SSBP1: variants seen among roughly 807,000 people sequenced by gnomAD.
SSBP1 encodes the protein single-stranded DNA-binding protein, mitochondrial.
Under a neutral mutation model 27.0 loss-of-function variants are expected in SSBP1, and 20 were observed. The ratio of observed to expected loss-of-function variants is 0.74; its 90% CI spans 0.52 to 1.08. The LOEUF is 1.08. Among genes scored for constraint, SSBP1 ranks in the 50% least tolerant of loss-of-function variants. The pLI is 0.00. For synonymous variants in SSBP1, 59 were observed against 59.3 expected, an observed-to-expected ratio of 1.00 and a Z score of 0.02; for missense variants, 137 against 182.4, an observed-to-expected ratio of 0.75 and a Z score of 1.44.
intron 5 of SSBP1, among the ~76,000 whole-genome samples, chr7:141,744,805 G>A (rs1799712076): frequency 6.6e-6 from 1 of 152,076 alleles, no homozygotes; most frequent in South Asian, 2.1e-4. Context: ...TGATTGATGG[G>A]TGTGTGTGTG....
rs562961105 is a variant in SSBP1, at chr7:141,745,941, A to G, written c.403+357A>G. 158 of 1,016,194 alleles carry G rather than the reference A, an allele frequency of 1.6e-4. 1 individual carries two copies. The South Asian group carries it at 6.6e-3, about 42-fold the overall frequency. The allele number at this position is 1,016,194 out of a possible 1,614,324, so 62.9% of individuals were successfully genotyped here. On this transcript the variant is annotated intron_variant, in intron 6 of 6. Transcript: ENST00000265304. The stretch of plus-strand genomic sequence containing the variant: ...AGAAGCGTATGCCAAGATAAGAATT[A>G]CACTAATGTGAGTGTGCAGATTTAT...
intron 3 of SSBP1, among the ~76,000 whole-genome samples, chr7:141,742,454 T>C (rs1031820056): frequency 6.6e-6 from 1 of 152,238 alleles, no homozygotes; most frequent in Non-Finnish European, 1.5e-5. Context: ...TTGTCAACAC[T>C]GTCCTGCATA....
chr7:141,744,002 G>A lies in SSBP1; in HGVS notation c.314+13G>A. On this transcript the variant is annotated intron_variant, in intron 5 of 6. Coordinates refer to ENST00000265304, the MANE Select transcript of SSBP1 (RefSeq NM_003143.3). ...ATGTGAAAAAGGGGTAAGTTGAAGA[G>A]GGAAGGATCTTATGAATTGAATGAT... 3 of 1,605,022 alleles carry A rather than the reference G, an allele frequency of 1.9e-6. No homozygotes were observed. Among genetic ancestry groups the A allele is most frequent in the Non-Finnish European group, 2.6e-6 (3 of 1,176,462 alleles).
chr7:141,742,994 A>G (rs1018548286), intron 3 of SSBP1, among the ~76,000 whole-genome samples: 1 of 152,202 alleles, frequency 6.6e-6, no homozygotes, highest in Non-Finnish European at 1.5e-5. Context: ...AGCTGGGACT[A>G]CAGGCGCCCG....
chr7:141,748,152 ACCTG>A (rs1313620256), intron 6 of SSBP1, among the ~76,000 whole-genome samples: 1 of 152,030 alleles, frequency 6.6e-6, no homozygotes, highest in African/African-American at 2.4e-5. Flanking sequence ...CTTGACCTAC[ACCTG>A]GATTATTTTG....
intron 2 of SSBP1, 87 bp downstream of exon 2, chr7:141,739,277 C>CA: frequency 1.7e-6 from 2 of 1,143,180 alleles, no homozygotes; most frequent in Non-Finnish European, 2.4e-6. Context: ...ACTACAGGGG[C>CA]AAAAGACCTT....
intron 2 of SSBP1, chr7:141,741,928 T>A: frequency 1.7e-6 from 1 of 600,052 alleles, no homozygotes; most frequent in Non-Finnish European, 2.5e-6. Flanking sequence ...TACTATAACT[T>A]AACTTTGAGC....
intron 6 of SSBP1, among the ~76,000 whole-genome samples, chr7:141,749,815 AAAAAT>A (rs1799901720): frequency 6.6e-6 from 1 of 152,234 alleles, no homozygotes; most frequent in East Asian, 1.9e-4. Flanking sequence ...ATTGTAATTT[AAAAAT>A]AAAATTTCTT....
At chr7:141,742,661 A>G (rs1161191239) in intron 3 of SSBP1, among the ~76,000 whole-genome samples, 1 of 152,170 alleles carries the variant, frequency 6.6e-6, no homozygotes, top group Non-Finnish European at 1.5e-5. Flanking sequence ...TAGAGCTTAC[A>G]GTTTGTTTTG....
Position 141,742,243 on chromosome 7 carries a change from T to A in SSBP1, c.85+14T>A, listed in dbSNP as rs1799566012. On this transcript the variant is annotated intron_variant, in intron 3 of 6. Coordinates refer to ENST00000265304, the MANE Select transcript of SSBP1 (RefSeq NM_003143.3). ...TTCTTGAAAGATGTAAGTAGCTAAT[T>A]TCCAAGTTTAAAATGTTATTTTTAG... The A allele has an allele frequency of 1.9e-6, 3 of 1,588,814 alleles. No homozygotes were observed. The highest frequency in any genetic ancestry group is 2.6e-6 in the Non-Finnish European group (3 of 1,158,660).
At chr7:141,742,943 C>G (rs1799603273) in intron 3 of SSBP1, among the ~76,000 whole-genome samples, 1 of 152,194 alleles carries the variant, frequency 6.6e-6, no homozygotes, top group Non-Finnish European at 1.5e-5. Context: ...CAAACTCTGC[C>G]TCCCGGGTTC....
intron 2 of SSBP1, 95 bp downstream of exon 2, chr7:141,739,285 CT>C (rs1799418910): frequency 2.0e-6 from 2 of 1,016,486 alleles, no homozygotes. Context: ...GGCAAAAGAC[CT>C]TTGAGCTCAC....
chr7:141,750,271 G>A (rs761368934), intron 6 of SSBP1, 40 bp from the exon 7 acceptor site: 1 of 1,420,798 alleles, frequency 7.0e-7, no homozygotes, highest in Non-Finnish European at 9.8e-7. Flanking sequence ...GATGGAGAAA[G>A]AGTTCTGAAA....
Position 141,750,346 on chromosome 7 carries a change from A to G in SSBP1, c.439A>G (p.Lys147Glu), listed in dbSNP as rs113306672. The G allele has an allele frequency of 1.3e-6, 2 of 1,599,010 alleles. No individual in the cohort carries two copies. The highest frequency in any genetic ancestry group is 1.4e-5 in the African/African-American group (1 of 73,714). Residue 147 changes from lysine to glutamate, a missense_variant, in exon 7 of 7, where the codon AAG (lysine) becomes GAG (glutamate). Physicochemically the swap from Lys to Glu is moderately conservative, Grantham distance 56. Transcript: ENST00000265304. The part of the protein sequence containing the change: ...IIFLSDQTKE[K>E]E ...ATTTCTGAGTGACCAGACGAAAGAGAAGGAGTAGAAAGGATGATTCTTCTT... is the reference window on the plus strand; with the variant it reads ...ATTTCTGAGTGACCAGACGAAAGAGGAGGAGTAGAAAGGATGATTCTTCTT...
rs192755458 is a variant in SSBP1 at position 141,743,060 on chromosome 7, A to G, written c.86-501A>G. On this transcript the variant is annotated intron_variant, in intron 3 of 6. Coordinates refer to ENST00000265304, the MANE Select transcript of SSBP1 (RefSeq NM_003143.3). The stretch of plus-strand genomic sequence containing the variant: ...AGTAGAGATGGGGTTTCACCGTGTT[A>G]GCCAGCATGGTCTCTCTCTCCTGAC... Among the ~76,000 whole-genome samples the G allele has an allele frequency of 3.5e-3, 530 of 152,294 alleles. 8 individuals are homozygous for G. Among genetic ancestry groups the G allele is most frequent in the African/African-American group, 0.011 (447 of 41,564 alleles).
chr7:141,743,472 A>T, intron 3 of SSBP1, 89 bp from the exon 4 acceptor site: 1 of 1,470,822 alleles, frequency 6.8e-7, no homozygotes, highest in Non-Finnish European at 9.3e-7. Context: ...ATTGAGGGTT[A>T]GAGCTTCAAC....
At chr7:141,748,204 A>G (rs1279961527) in intron 6 of SSBP1, among the ~76,000 whole-genome samples, 5 of 152,082 alleles carry the variant, frequency 3.3e-5, no homozygotes, top group Admixed American at 3.3e-4. Context: ...ATAAATTTCC[A>G]TAGGGATCTC....
chr7:141,739,582 C>T (rs1366753749), intron 2 of SSBP1: 4 of 164,970 alleles, frequency 2.4e-5, no homozygotes, highest in African/African-American at 9.5e-5. Context: ...CTTCCCCCAT[C>T]TTTCCACACT....
intron 6 of SSBP1, chr7:141,745,938 A>AT: frequency 7.8e-6 from 8 of 1,019,134 alleles, no homozygotes; most frequent in Non-Finnish European, 9.4e-6. Flanking sequence ...CAAGATAAGA[A>AT]TTACACTAAT....
Sources: allele counts gnomAD v4.1 joint callset (sites outside exome capture counted in the v4.1 genomes callset), GRCh38; gene constraint gnomAD v4.1.1; transcripts MANE v1.5; gene names NCBI Gene and HGNC (gene_info 2026-07-23, HGNC 2026-07-21).